FTO: variants seen among roughly 807,000 people sequenced by gnomAD.
FTO encodes the protein FTO alpha-ketoglutarate dependent dioxygenase.
FTO carries 47 observed loss-of-function variants against 63.9 expected under a neutral mutation model. The ratio of observed to expected loss-of-function variants is 0.74; its 90% confidence interval spans 0.58 to 0.94. The LOEUF (loss-of-function observed/expected upper bound fraction) is 0.94. Among genes scored for constraint, FTO ranks in the 40% least tolerant of loss-of-function variants. FTO has a pLI of 0.00. For missense variants in FTO, 562 were observed against 618.1 expected (o/e 0.91, Z 0.96); for synonymous variants, 207 against 224.4 (o/e 0.92, Z 0.69).
At chr16:53,744,577 C>G (rs2076603980) in intron 1 of FTO, among the ~76,000 whole-genome samples, 1 of 152,188 alleles carries the variant, frequency 6.6e-6, no homozygotes, top group African/African-American at 2.4e-5. Flanking sequence ...GTCCCCAGCA[C>G]TAACAGGTAC....
chr16:54,014,959 A>T (rs2084405010), intron 8 of FTO, among the ~76,000 whole-genome samples: 1 of 149,718 alleles, frequency 6.7e-6, no homozygotes. Context: ...AGCCCCAAGC[A>T]ATCCTCCTGC....
intron 8 of FTO, among the ~76,000 whole-genome samples, chr16:54,021,632 G>A (rs2144151548): frequency 6.6e-6 from 1 of 152,254 alleles, no homozygotes; most frequent in Non-Finnish European, 1.5e-5. Flanking sequence ...TGGGACTACA[G>A]GAGCACACTA....
intron 8 of FTO, among the ~76,000 whole-genome samples, chr16:54,061,234 A>T (rs1298864894): frequency 6.6e-6 from 1 of 152,190 alleles, no homozygotes; most frequent in South Asian, 2.1e-4. Flanking sequence ...TAGTGAAATG[A>T]CTTCAAAAGT....
At chr16:53,775,944 C>A (rs1011686727) in intron 1 of FTO, among the ~76,000 whole-genome samples, 2 of 151,782 alleles carry the variant, frequency 1.3e-5, no homozygotes, top group African/African-American at 4.8e-5. Context: ...CTTTTTATGT[C>A]GACAATGTAA....
intron 8 of FTO, among the ~76,000 whole-genome samples, chr16:53,951,559 A>C (rs947390913): frequency 6.6e-6 from 1 of 152,174 alleles, no homozygotes; most frequent in African/African-American, 2.4e-5. Context: ...GACACTGATG[A>C]ATACTTTTTA....
At chr16:53,951,090 A>T (rs775011716) in intron 8 of FTO, among the ~76,000 whole-genome samples, 4 of 152,236 alleles carry the variant, frequency 2.6e-5, no homozygotes, top group Admixed American at 1.3e-4. Context: ...TAAGTAATTA[A>T]TCTTTTCTTA....
intron 8 of FTO, among the ~76,000 whole-genome samples, chr16:54,014,252 G>T (rs1409133096): frequency 2.6e-5 from 4 of 152,170 alleles, no homozygotes; most frequent in African/African-American, 9.7e-5. Flanking sequence ...CAATTTTAGA[G>T]GTAGGATATA....
chr16:53,764,532 TG>T (rs1451110163), intron 1 of FTO, among the ~76,000 whole-genome samples: 1 of 151,538 alleles, frequency 6.6e-6, no homozygotes, highest in Non-Finnish European at 1.5e-5. Context: ...GAGGCAAATG[TG>T]ATATTGGTGT....
intron 8 of FTO, among the ~76,000 whole-genome samples, chr16:54,094,093 C>A (rs1383666246): frequency 6.6e-6 from 1 of 152,124 alleles, no homozygotes; most frequent in African/African-American, 2.4e-5. Flanking sequence ...GCTTTCAAAG[C>A]CCCGAAATGT....
intron 4 of FTO, among the ~76,000 whole-genome samples, chr16:53,873,428 A>G (rs532741651): frequency 2.7e-5 from 4 of 150,684 alleles, no homozygotes; most frequent in Non-Finnish European, 5.9e-5. Flanking sequence ...GAATATATAC[A>G]TATTTAGTTA....
intron 8 of FTO, among the ~76,000 whole-genome samples, chr16:54,092,106 G>C (rs148766576): frequency 8.5e-5 from 13 of 152,312 alleles, no homozygotes; most frequent in African/African-American, 3.1e-4. Context: ...GTGAGACACT[G>C]TCTCTACAAA....
intron 7 of FTO, among the ~76,000 whole-genome samples, chr16:53,890,406 A>T (rs1261155640): frequency 2.0e-5 from 3 of 152,112 alleles, no homozygotes. Flanking sequence ...CTTCTGTCTT[A>T]TTTATTATAA....
At chr16:53,901,197 G>A (rs1804726970) in intron 7 of FTO, among the ~76,000 whole-genome samples, 1 of 152,176 alleles carries the variant, frequency 6.6e-6, no homozygotes, top group Non-Finnish European at 1.5e-5. Context: ...TTACAAATGA[G>A]ATTAGGTAAT....
chr16:54,098,717 G>A (rs376419230), intron 8 of FTO, among the ~76,000 whole-genome samples: 4 of 152,152 alleles, frequency 2.6e-5, no homozygotes, highest in East Asian at 1.9e-4. Flanking sequence ...AATGTCTGCC[G>A]CTTCCTGCAG....
intron 8 of FTO, among the ~76,000 whole-genome samples, chr16:54,048,903 A>G (rs2085248473): frequency 1.3e-5 from 2 of 152,206 alleles, no homozygotes; most frequent in Non-Finnish European, 2.9e-5. Flanking sequence ...GTGGAGAAAC[A>G]TCTAATATAA....
intron 8 of FTO, among the ~76,000 whole-genome samples, chr16:53,951,629 C>A (rs2082803194): frequency 6.6e-6 from 1 of 152,072 alleles, no homozygotes; most frequent in Non-Finnish European, 1.5e-5. Flanking sequence ...AATTCACTCT[C>A]AGCAATTTTG....
chr16:53,994,168 T>G (rs776977713), intron 8 of FTO: 1 of 152,168 alleles, frequency 6.6e-6, no homozygotes, highest in Non-Finnish European at 1.5e-5. Flanking sequence ...TTAAAAGTCC[T>G]TACATGCGTT....
chr16:53,896,275 G>T (rs1365477223), intron 7 of FTO, among the ~76,000 whole-genome samples: 1 of 150,868 alleles, frequency 6.6e-6, no homozygotes, highest in Non-Finnish European at 1.5e-5. Flanking sequence ...TCCTGGAAAA[G>T]ATATAACATA....
chr16:53,935,565 T>G (rs2082369494), intron 8 of FTO: 2 of 152,162 alleles, frequency 1.3e-5, no homozygotes, highest in African/African-American at 4.8e-5. Flanking sequence ...CTTTTTTTTC[T>G]TTTTAGAAAA....
Sources: allele counts gnomAD v4.1 joint callset (sites outside exome capture counted in the v4.1 genomes callset), GRCh38; gene constraint gnomAD v4.1.1; transcripts MANE v1.5; gene names NCBI Gene and HGNC (gene_info 2026-07-23, HGNC 2026-07-21).